Variants in ADCY7 observed in about 807,000 individuals in gnomAD.
ADCY7 encodes the protein adenylate cyclase type 7.
Under a neutral mutation model 120.6 loss-of-function variants are expected in ADCY7, and 72 were observed. The observed-to-expected ratio is 0.60, with a 90% CI of 0.49 to 0.73. The LOEUF (loss-of-function observed/expected upper bound fraction) is 0.73, where lower values mean the gene tolerates loss of function less well. ADCY7 is among the 30% of genes least tolerant of loss of function. The pLI, the probability that ADCY7 is intolerant of heterozygous loss-of-function variation, is 0.00. For synonymous variants in ADCY7, 661 were observed against 628.0 expected (o/e 1.05, Z -0.78); for missense variants, 1,227 against 1,486.0 (o/e 0.83, Z 2.87).
chr16:50,261,637 C>T (rs7185705), upstream of ADCY7, among the ~76,000 whole-genome samples: 147,753 of 152,206 alleles, frequency 0.97, 71,866 homozygotes, highest in East Asian at 1. Flanking sequence ...TCACAGCCCC[C>T]CACGGGCTCC....
chr16:50,306,952 C>G (rs1282144160), intron 14 of ADCY7, 98 bp from the exon 15 acceptor site: 2 of 904,712 alleles, frequency 2.2e-6, no homozygotes, highest in Admixed American at 2.2e-5. Flanking sequence ...AGCCACTGTC[C>G]CAGCAGGGAG....
At chr16:50,262,621 C>G (rs990073757), upstream of ADCY7, among the ~76,000 whole-genome samples, 4 of 152,208 alleles carry the variant, frequency 2.6e-5, no homozygotes, top group Non-Finnish European at 5.9e-5. Flanking sequence ...GCCACCATGC[C>G]CTGCCGGCTT....
chr16:50,291,203 C>T (rs1052412685), intron 3 of ADCY7, among the ~76,000 whole-genome samples: 2 of 152,116 alleles, frequency 1.3e-5, no homozygotes, highest in African/African-American at 4.8e-5. Context: ...GACCAGTGGG[C>T]CTGGGTCCTA....
chr16:50,304,648 G>T (rs2035945062), intron 11 of ADCY7, 97 bp downstream of exon 11: 1 of 1,283,912 alleles, frequency 7.8e-7, no homozygotes, highest in Non-Finnish European at 1.1e-6. Context: ...CAGCCTCACT[G>T]TCCCCATCTG....
intron 1 of ADCY7, among the ~76,000 whole-genome samples, chr16:50,272,094 C>T (rs912716006): frequency 6.6e-6 from 1 of 151,372 alleles, no homozygotes; most frequent in African/African-American, 2.4e-5. Flanking sequence ...AGGCTCTGCC[C>T]ATTCTTGCCT....
intron 1 of ADCY7, among the ~76,000 whole-genome samples, chr16:50,256,694 C>CA (rs1567527922): frequency 0.011 from 1,660 of 151,432 alleles, 27 homozygotes; most frequent in African/African-American, 0.036. Context: ...GACCCTGTCT[C>CA]CAAAAAAAAA....
In ADCY7 at chr16:50,312,150, G is replaced by A. The variant is rs745523027; in HGVS notation, c.2563G>A (p.Ala855Thr). ...CCTTCTTCTGGAGAACGTCCTGCCA[G>A]CCCACGTGGCTGCCCACTTTATCGG... ...NRLLLENVLPAHVAAHFIGDK... is the reference protein window; with the variant it reads ...NRLLLENVLPTHVAAHFIGDK... Residue 855 changes from alanine to threonine, a missense_variant, in exon 21 of 26, where the codon GCC becomes ACC. Transcript: ENST00000673801. The A allele has an allele frequency of 2.5e-6, 4 of 1,614,238 alleles. No individual in the cohort carries two copies. The South Asian group carries it at 3.3e-5, about 13-fold the overall frequency.
rs1302688059 is a variant in ADCY7, at chr16:50,310,849, G to C, written c.2323G>C (p.Gly775Arg). Residue 775 changes from glycine to arginine, a missense_variant, in exon 19 of 26, where the codon GGC becomes CGC. Gly to Arg is a moderately radical substitution (Grantham distance 125). Coordinates refer to ENST00000673801, the MANE Select transcript of ADCY7 (RefSeq NM_001114.5). ...WQWDCCGQGL[G>R]NLTKPNGTTS... ...GTGGGACTGCTGCGGCCAAGGCCTG[G>C]GCAACCTCACCAAGCCCAACGGCAC... The C allele has an allele frequency of 2.5e-6, 4 of 1,611,762 alleles. No individual in the cohort carries two copies. The highest frequency in any genetic ancestry group is 3.4e-6 in the Non-Finnish European group (4 of 1,179,268).
At chr16:50,284,214 C>A (rs1263142115) in intron 1 of ADCY7, among the ~76,000 whole-genome samples, 1 of 152,152 alleles carries the variant, frequency 6.6e-6, no homozygotes, top group Non-Finnish European at 1.5e-5. Context: ...TCAGTGAGTT[C>A]ATTCCCCCCA....
upstream of ADCY7, among the ~76,000 whole-genome samples, chr16:50,262,920 C>G (rs2033097735): frequency 6.6e-6 from 1 of 152,216 alleles, no homozygotes; most frequent in African/African-American, 2.4e-5. Context: ...CTTGGGAGCA[C>G]TGTGTGCCAG....
rs2035700768 is a variant in ADCY7 at position 50,301,229 on chromosome 16, A to G, written c.1368+15A>G. 2.6e-6 allele frequency: 4 copies of G among 1,562,290 alleles called. No individual in the cohort carries two copies. Among genetic ancestry groups the G allele is most frequent in the Non-Finnish European group, 3.5e-6 (4 of 1,155,008 alleles). ...TCGACCCCCGGGTACGAGGGCTCAG[A>G]GGCCGCAGCTGGGGGGGACCCGGAG... On this transcript the variant is annotated intron_variant, in intron 10 of 25. Coordinates refer to ENST00000673801, the MANE Select transcript of ADCY7 (RefSeq NM_001114.5).
intron 2 of ADCY7, 114 bp downstream of exon 2, chr16:50,288,464 T>C: frequency 2.5e-6 from 3 of 1,196,240 alleles, no homozygotes; most frequent in Non-Finnish European, 3.4e-6. Flanking sequence ...CTATGCTTTT[T>C]TGTTTGTTTT....
chr16:50,304,263 G>A, intron 10 of ADCY7, 97 bp from the exon 11 acceptor site: 6 of 1,190,554 alleles, frequency 5.0e-6, no homozygotes, highest in Non-Finnish European at 5.5e-6. Flanking sequence ...GCTCAGGGCG[G>A]CGTCACACTT....
At chr16:50,304,338 C>T (rs1423860461) in intron 10 of ADCY7, 22 bp from the exon 11 acceptor site, 3 of 1,471,378 alleles carry the variant, frequency 2.0e-6, no homozygotes, top group East Asian at 4.9e-5. Flanking sequence ...TGGCACAGGC[C>T]CATGTCCATG....
At chr16:50,251,502 A>G (rs1367158022) in intron 1 of ADCY7, among the ~76,000 whole-genome samples, 1 of 152,236 alleles carries the variant, frequency 6.6e-6, no homozygotes, top group African/African-American at 2.4e-5. Context: ...CTTGCTCAGG[A>G]CACCGCAGAG....
chr16:50,315,419 C>T lies in ADCY7; in HGVS notation c.3157C>T (p.Leu1053=). ...CGGGTACTCTTGTGAATGCCGTGGC[C>T]TGATCAACGTCAAAGGCAAAGGCGA... is the stretch of plus-strand genomic sequence containing the variant. ...GLGYSCECRG[L]INVKGKGELR... is the part of the protein sequence containing the mutation. Residue 1053 remains leucine (L), a synonymous_variant, in exon 26 of 26, where the codon CTG becomes TTG. Transcript: ENST00000673801. The T allele has an allele frequency of 6.2e-7, 1 of 1,614,168 alleles. No homozygotes were observed. Among genetic ancestry groups the T allele is most frequent in the Non-Finnish European group, 8.5e-7 (1 of 1,180,010 alleles).
intron 1 of ADCY7, among the ~76,000 whole-genome samples, chr16:50,256,012 G>T (rs1405906165): frequency 1.2e-5 from 1 of 85,574 alleles, no homozygotes; most frequent in East Asian, 3.5e-4. Flanking sequence ...ATGTGATACT[G>T]GTCTGGGCAA....
chr16:50,301,207 ACCC>A lies in ADCY7; in HGVS notation c.1364_1366del (p.Pro455del). ...AACATCCGCACCTACCTGGTCATCG[ACCC>A]CCGGGTACGAGGGCTCAGAGGCCGC... On this transcript the variant is annotated inframe_deletion, in exon 10 of 26. Transcript: ENST00000673801. The A allele has an allele frequency of 6.3e-7, 1 of 1,587,968 alleles. No homozygotes were observed. The highest frequency in any genetic ancestry group is 2.3e-5 in the East Asian group (1 of 43,420).
At chr16:50,284,848 G>A (rs985151055) in intron 1 of ADCY7, among the ~76,000 whole-genome samples, 20 of 152,230 alleles carry the variant, frequency 1.3e-4, no homozygotes, top group African/African-American at 4.8e-4. Flanking sequence ...TGAGACGGTG[G>A]TGCCACCTTG....
Sources: gnomAD v4.1 joint callset for allele counts (sites outside exome capture counted in the v4.1 genomes callset) on GRCh38, gnomAD v4.1.1 for gene constraint, MANE v1.5 for transcripts, NCBI Gene and HGNC (gene_info 2026-07-23, HGNC 2026-07-21) for gene names.